The following FAM117B variants were observed in gnomAD, a reference collection of about 807,000 sequenced individuals.
FAM117B encodes the protein family with sequence similarity 117 member B, also known as protein FAM117B.
In FAM117B, 22 loss-of-function variants were observed where a neutral mutation model predicts 52.8. The ratio of observed to expected loss-of-function variants is 0.42; its 90% CI spans 0.30 to 0.59. FAM117B has a LOEUF of 0.59. FAM117B is among the 20% of genes least tolerant of loss of function. The pLI is 0.22. For missense variants in FAM117B, 678 were observed against 802.6 expected (o/e 0.84, Z 1.88); for synonymous variants, 309 against 324.1 (o/e 0.95, Z 0.50).
At chr2:202,756,938 C>T (rs969491841) in intron 5 of FAM117B, among the ~76,000 whole-genome samples, 3 of 152,088 alleles carry the variant, frequency 2.0e-5, no homozygotes, top group Non-Finnish European at 1.5e-5. Flanking sequence ...CCTTAGCACA[C>T]GATAAGTGAT....
intron 1 of FAM117B, among the ~76,000 whole-genome samples, chr2:202,662,395 G>A (rs895169682): frequency 2.0e-5 from 3 of 152,128 alleles, no homozygotes; most frequent in African/African-American, 7.2e-5. Flanking sequence ...AGGTGATAGA[G>A]GAGGAGGGGA....
intron 2 of FAM117B, among the ~76,000 whole-genome samples, chr2:202,722,448 A>AAGGAAAATG (rs1464849046): frequency 1.3e-5 from 2 of 152,210 alleles, no homozygotes; most frequent in East Asian, 1.9e-4. Context: ...TAGCCTGGAT[A>AAGGAAAATG]AGGAAAATGT....
Position 202,737,781 on chromosome 2 carries a change from T to C in FAM117B, c.960+11418T>C, listed in dbSNP as rs533202971. 2.6e-5 allele frequency among the ~76,000 whole-genome samples: 4 copies of C among 152,222 alleles called. No individual in the cohort carries two copies. In the South Asian group the frequency reaches 8.3e-4, roughly 32 times the overall value. On this transcript the variant is annotated intron_variant, in intron 4 of 7. Coordinates refer to ENST00000392238, the MANE Select transcript of FAM117B (RefSeq NM_173511.4). Reference sequence around the variant, plus strand: ...CACGCCCAGCTAATTTTTGTATTTTTCGTAGAGACAGGGTTTCACTATGTT... The same window carrying C: ...CACGCCCAGCTAATTTTTGTATTTTCCGTAGAGACAGGGTTTCACTATGTT...
In FAM117B at chr2:202,759,243, C is replaced by T. The variant is rs763916081; in HGVS notation, c.1341C>T (p.Asn447=). The stretch of plus-strand genomic sequence containing the variant: ...TGTCATTTCTTGCAGAGAATGGGAA[C>T]AATTCTCCTTTGCCCAAATATGCAA... ...LVDPRDKENG[N]NSPLPKYATS... is the part of the protein sequence containing the mutation. The change falls in exon 7 of 8, where the codon AAC becomes AAT. Residue 447 remains asparagine (N), a synonymous_variant. Transcript: ENST00000392238. The T allele has an allele frequency of 2.5e-6, 4 of 1,613,938 alleles. No homozygotes were observed. The highest frequency in any genetic ancestry group is 4.5e-5 in the East Asian group (2 of 44,882).
intron 1 of FAM117B, among the ~76,000 whole-genome samples, chr2:202,663,035 A>C (rs1690153593): frequency 6.6e-6 from 1 of 152,238 alleles, no homozygotes; most frequent in South Asian, 2.1e-4. Flanking sequence ...AAGCGTTAGA[A>C]GCACTCTTTT....
At chr2:202,734,504 A>G (rs1412337990) in intron 4 of FAM117B, among the ~76,000 whole-genome samples, 1 of 152,248 alleles carries the variant, frequency 6.6e-6, no homozygotes, top group Non-Finnish European at 1.5e-5. Flanking sequence ...ACAGTTGTCT[A>G]GAAATAGTAA....
chr2:202,721,232 T>C (rs1183119255), intron 2 of FAM117B, among the ~76,000 whole-genome samples: 1 of 152,194 alleles, frequency 6.6e-6, no homozygotes, highest in Non-Finnish European at 1.5e-5. Flanking sequence ...ATTTAAACAA[T>C]TTTTGAATTT....
At chr2:202,651,163 G>C (rs1689950226) in intron 1 of FAM117B, among the ~76,000 whole-genome samples, 1 of 150,134 alleles carries the variant, frequency 6.7e-6, no homozygotes, top group Non-Finnish European at 1.5e-5. Flanking sequence ...CCCAGTTCAA[G>C]CAATTCTGGT....
chr2:202,698,830 C>T (rs908860430), intron 2 of FAM117B, among the ~76,000 whole-genome samples: 4 of 152,164 alleles, frequency 2.6e-5, no homozygotes, highest in Non-Finnish European at 4.4e-5. Flanking sequence ...ATACGGTGTC[C>T]ACTTGCTTTC....
In FAM117B at chr2:202,643,263, G is replaced by T. The variant is rs148182273; in HGVS notation, c.601+7475G>T. 2.4e-3 allele frequency among the ~76,000 whole-genome samples: 367 copies of T among 152,292 alleles called. 2 individuals carry two copies. Among genetic ancestry groups the T allele is most frequent in the African/African-American group, 8.3e-3 (346 of 41,558 alleles). On this transcript the variant is annotated intron_variant, in intron 1 of 7. Coordinates refer to ENST00000392238, the MANE Select transcript of FAM117B (RefSeq NM_173511.4). ...TAGGGAAAGGATTTATAGAATGAAA[G>T]ATTGTAAATTCAAGAGAAGATGGTA...
chr2:202,667,321 G>C (rs891802008), intron 1 of FAM117B, among the ~76,000 whole-genome samples: 1 of 151,344 alleles, frequency 6.6e-6, no homozygotes, highest in Non-Finnish European at 1.5e-5. Context: ...GGCTGGTCTC[G>C]AACACCTGAC....
intron 1 of FAM117B, among the ~76,000 whole-genome samples, chr2:202,657,932 C>T (rs774811921): frequency 5.9e-5 from 9 of 152,108 alleles, no homozygotes; most frequent in Non-Finnish European, 1.0e-4. Flanking sequence ...TTACAATATA[C>T]ATACCTAACT....
At position 202,695,868 on chromosome 2, in the gene FAM117B, G is replaced by A. The variant is rs1272654221; in HGVS notation, c.602-13G>A. On this transcript the variant is annotated splice_polypyrimidine_tract_variant and intron_variant, in intron 1 of 7. Transcript: ENST00000392238. ...TAATTTTATTAAAACAAGCATTTTTGTCTTAAATCTAGGTGACAAAACACG... is the reference window on the plus strand; with the variant it reads ...TAATTTTATTAAAACAAGCATTTTTATCTTAAATCTAGGTGACAAAACACG... The A allele has an allele frequency of 6.4e-7, 1 of 1,559,202 alleles. No homozygotes were observed. The highest frequency in any genetic ancestry group is 2.0e-5 in the Admixed American group (1 of 50,358).
chr2:202,681,002 A>G (rs1690456333), intron 1 of FAM117B, among the ~76,000 whole-genome samples: 5 of 152,338 alleles, frequency 3.3e-5, no homozygotes, highest in African/African-American at 1.2e-4. Flanking sequence ...GTATATATAG[A>G]CATTATACAA....
chr2:202,692,589 G>C (rs1411428597), intron 1 of FAM117B, among the ~76,000 whole-genome samples: 1 of 152,026 alleles, frequency 6.6e-6, no homozygotes, highest in African/African-American at 2.4e-5. Flanking sequence ...CTTTTTAAAG[G>C]GATAACATTT....
intron 4 of FAM117B, among the ~76,000 whole-genome samples, chr2:202,755,100 G>T (rs77226206): frequency 2.0e-5 from 3 of 151,794 alleles, no homozygotes; most frequent in Non-Finnish European, 4.4e-5. Flanking sequence ...ACCAGATTTC[G>T]TAAGAACTCA....
chr2:202,635,155 C>T lies in FAM117B; in HGVS notation c.-33C>T. Reference sequence around the variant, plus strand: ...GCAGCCCAACAACAACAAAACCCCCCGTCTCGCCCAGTCACCGGGGAGGGG... The same window carrying T: ...GCAGCCCAACAACAACAAAACCCCCTGTCTCGCCCAGTCACCGGGGAGGGG... On this transcript the variant is annotated 5_prime_UTR_variant, in exon 1 of 8. Transcript: ENST00000392238. 7.9e-7 allele frequency: 1 copy of T among 1,258,500 alleles called. No homozygotes were observed. The highest frequency in any genetic ancestry group is 1.0e-6 in the Non-Finnish European group (1 of 1,000,974). 78.0% of individuals were successfully genotyped at this position (1,258,500 alleles called of 1,614,324 possible).
chr2:202,754,219 T>G (rs1018373269), intron 4 of FAM117B, among the ~76,000 whole-genome samples: 8 of 152,194 alleles, frequency 5.3e-5, no homozygotes, highest in African/African-American at 1.9e-4. Context: ...GATCATGTCC[T>G]TTGCAAGGAC....
chr2:202,645,977 A>G (rs1462375802), intron 1 of FAM117B, among the ~76,000 whole-genome samples: 1 of 151,352 alleles, frequency 6.6e-6, no homozygotes, highest in East Asian at 1.9e-4. Flanking sequence ...CAGTTCTTCA[A>G]GAGCACTTGC....
Sources: allele counts gnomAD v4.1 joint callset (sites outside exome capture counted in the v4.1 genomes callset), GRCh38; gene constraint gnomAD v4.1.1; transcripts MANE v1.5; gene names NCBI Gene and HGNC (gene_info 2026-07-23, HGNC 2026-07-21).